HS3ST4: variants seen among roughly 807,000 people sequenced by gnomAD.
HS3ST4 encodes the protein heparan sulfate glucosamine 3-O-sulfotransferase 4.
A neutral mutation model predicts 29.2 loss-of-function variants in HS3ST4; 17 were observed. The observed-to-expected ratio is 0.58, with a 90% CI of 0.40 to 0.87. HS3ST4 has a LOEUF of 0.87. Among genes scored for constraint, HS3ST4 ranks in the 40% least tolerant of loss-of-function variants. HS3ST4 has a pLI of 0.00. For synonymous variants in HS3ST4, 314 were observed against 285.7 expected, an observed-to-expected ratio of 1.10 and a Z score of -1.00; for missense variants, 627 against 634.5, an observed-to-expected ratio of 0.99 and a Z score of 0.13.
At chr16:26,063,515 GAAA>G (rs779275463) in intron 1 of HS3ST4, among the ~76,000 whole-genome samples, 1 of 125,844 alleles carries the variant, frequency 7.9e-6, no homozygotes. Context: ...TGTCTCTACT[GAAA>G]AAAAAAAAAA....
At chr16:25,727,396 A>G (rs1966543503) in intron 1 of HS3ST4, among the ~76,000 whole-genome samples, 1 of 152,242 alleles carries the variant, frequency 6.6e-6, no homozygotes, top group South Asian at 2.1e-4. Context: ...TGTAGTATAC[A>G]TCCTTTACAC....
At chr16:25,821,745 A>T (rs1967158555) in intron 1 of HS3ST4, among the ~76,000 whole-genome samples, 1 of 152,086 alleles carries the variant, frequency 6.6e-6, no homozygotes, top group Non-Finnish European at 1.5e-5. Flanking sequence ...TGGGCAACAC[A>T]GTGAAATCCT....
chr16:26,059,613 C>T (rs1898451521), intron 1 of HS3ST4, among the ~76,000 whole-genome samples: 1 of 152,126 alleles, frequency 6.6e-6, no homozygotes, highest in African/African-American at 2.4e-5. Flanking sequence ...CCTCCTCTGA[C>T]CGTGTGAAGC....
chr16:25,847,692 G>A (rs970432632), intron 1 of HS3ST4, among the ~76,000 whole-genome samples: 7 of 152,078 alleles, frequency 4.6e-5, no homozygotes, highest in Non-Finnish European at 7.4e-5. Context: ...CTCTTCCTGG[G>A]AATTCAGGTA....
At chr16:25,777,472 A>G (rs1966848659) in intron 1 of HS3ST4, among the ~76,000 whole-genome samples, 1 of 152,042 alleles carries the variant, frequency 6.6e-6, no homozygotes, top group South Asian at 2.1e-4. Context: ...TGTGCATAAG[A>G]TACAGCTTAT....
chr16:26,029,410 G>C (rs1311763648), intron 1 of HS3ST4, among the ~76,000 whole-genome samples: 2 of 151,998 alleles, frequency 1.3e-5, no homozygotes, highest in Non-Finnish European at 2.9e-5. Context: ...TTTTGCAAGG[G>C]GTAGTTCTTT....
chr16:25,724,581 C>T (rs1426584607), intron 1 of HS3ST4, among the ~76,000 whole-genome samples: 4 of 152,080 alleles, frequency 2.6e-5, no homozygotes, highest in Admixed American at 2.6e-4. Context: ...CCAGGCTAGT[C>T]TCGAACTCCT....
At chr16:25,917,124 G>GT (rs1375888119) in intron 1 of HS3ST4, among the ~76,000 whole-genome samples, 1 of 152,156 alleles carries the variant, frequency 6.6e-6, no homozygotes, top group Non-Finnish European at 1.5e-5. Flanking sequence ...GGTCAAATCT[G>GT]TTTTTGTAGA....
intron 1 of HS3ST4, among the ~76,000 whole-genome samples, chr16:26,077,076 C>T (rs1567307107): frequency 6.6e-6 from 1 of 152,174 alleles, no homozygotes; most frequent in Non-Finnish European, 1.5e-5. Flanking sequence ...TGGGTTCATT[C>T]ATGCAGCTGC....
Position 25,692,804 on chromosome 16 carries a change from G to A in HS3ST4, c.387G>A (p.Pro129=). ...CCGGGACCGACGGCTGGGGGCTGCC[G>A]AGCGGCGGCGGAGGCGCCCAGGACG... ...AAPGTDGWGL[P]SGGGGAQDAW... Residue 129 remains proline, a synonymous_variant, in exon 1 of 2, where the codon CCG becomes CCA. Transcript: ENST00000331351. The A allele has an allele frequency of 7.2e-7, 1 of 1,381,272 alleles. No homozygotes were observed. The allele number at this position is 1,381,272 out of a possible 1,614,324, so 85.6% of individuals were successfully genotyped here.
At chr16:26,134,184 G>A (rs1407406550) in intron 1 of HS3ST4, among the ~76,000 whole-genome samples, 2 of 151,986 alleles carry the variant, frequency 1.3e-5, no homozygotes, top group East Asian at 3.9e-4. Flanking sequence ...CTTAGCAAAG[G>A]AACCAAGAGA....
chr16:25,979,716 C>T (rs370395159), intron 1 of HS3ST4, among the ~76,000 whole-genome samples: 6 of 152,230 alleles, frequency 3.9e-5, no homozygotes, highest in South Asian at 4.2e-4. Flanking sequence ...TGAATCATCC[C>T]GAAACCATTC....
At chr16:25,996,002 G>GAA (rs61447217) in intron 1 of HS3ST4, among the ~76,000 whole-genome samples, 2 of 119,310 alleles carry the variant, frequency 1.7e-5, no homozygotes, top group African/African-American at 3.1e-5. Flanking sequence ...CTTCCTCCTT[G>GAA]AAAAAAAAAA....
At chr16:25,962,101 G>A (rs1290615935) in intron 1 of HS3ST4, among the ~76,000 whole-genome samples, 1 of 152,164 alleles carries the variant, frequency 6.6e-6, no homozygotes, top group African/African-American at 2.4e-5. Flanking sequence ...AGTAGGCCTT[G>A]AACACACCCA....
At chr16:26,059,544 C>T (rs1898450682) in intron 1 of HS3ST4, among the ~76,000 whole-genome samples, 1 of 152,136 alleles carries the variant, frequency 6.6e-6, no homozygotes, top group African/African-American at 2.4e-5. Context: ...TTAACGAAGT[C>T]ATTCATTAAT....
At chr16:25,965,287 G>T (rs1054221923) in intron 1 of HS3ST4, among the ~76,000 whole-genome samples, 1 of 151,906 alleles carries the variant, frequency 6.6e-6, no homozygotes, top group South Asian at 2.1e-4. Context: ...AGCAGAGGGG[G>T]CTCTGCTGTT....
At chr16:25,699,312 C>T (rs1052267798) in intron 1 of HS3ST4, among the ~76,000 whole-genome samples, 3 of 152,160 alleles carry the variant, frequency 2.0e-5, no homozygotes, top group Non-Finnish European at 4.4e-5. Flanking sequence ...AAATACCTCC[C>T]GGATATATTG....
At chr16:26,049,447 G>C (rs1898309640) in intron 1 of HS3ST4, among the ~76,000 whole-genome samples, 1 of 150,508 alleles carries the variant, frequency 6.6e-6, no homozygotes, top group Admixed American at 6.6e-5. Context: ...ATTTGTACTA[G>C]TTGCAGTGGG....
chr16:25,935,244 A>T, intron 1 of HS3ST4, among the ~76,000 whole-genome samples: 1 of 152,112 alleles, frequency 6.6e-6, no homozygotes, highest in Non-Finnish European at 1.5e-5. Flanking sequence ...AAACGGACTA[A>T]TACACTCCCC....
Sources: allele counts gnomAD v4.1 joint callset (sites outside exome capture counted in the v4.1 genomes callset), GRCh38; gene constraint gnomAD v4.1.1; transcripts MANE v1.5; gene names NCBI Gene and HGNC (gene_info 2026-07-23, HGNC 2026-07-21).